FBXO34: variants seen among roughly 807,000 people sequenced by gnomAD.
FBXO34 encodes F-box only protein 34.
A neutral mutation model predicts 24.5 loss-of-function variants in FBXO34; 12 were observed. The observed-to-expected ratio is 0.49, with a 90% CI of 0.31 to 0.79. FBXO34 has a LOEUF of 0.79. Ranked by LOEUF, FBXO34 falls within the 30% of genes least tolerant of loss-of-function variation. The pLI is 0.04. For missense variants in FBXO34, 823 were observed against 857.7 expected (o/e 0.96, Z 0.51); for synonymous variants, 320 against 311.9 (o/e 1.03, Z -0.27).
the FBXO34 span, chr14:55,391,030 C>T: frequency 2.8e-6 from 4 of 1,419,208 alleles, no homozygotes; most frequent in African/African-American, 5.6e-5. Flanking sequence ...AAACGTTGGT[C>T]TCTTATGGTT....
rs554135840 is a variant in FBXO34, at chr14:55,350,182, C to A, written c.-10-199C>A. 7.3e-4 allele frequency among the ~76,000 whole-genome samples: 108 copies of A among 148,170 alleles called. 3 individuals are homozygous for A. The South Asian group carries it at 0.022, about 30-fold the overall frequency. ...CTGTAAAAAAAAAAAAAAAGTACTA[C>A]ACACCATATAAACTGGTAGCTGTTT... is the stretch of plus-strand genomic sequence containing the variant. On this transcript the variant is annotated intron_variant, in intron 1 of 1. Coordinates refer to ENST00000313833, the MANE Select transcript of FBXO34 (RefSeq NM_017943.4).
chr14:55,377,891 T>C, the FBXO34 span: 21 of 1,605,846 alleles, frequency 1.3e-5, no homozygotes, highest in Non-Finnish European at 1.8e-5. Flanking sequence ...TTGTAATTGA[T>C]CTAAATTTAC....
chr14:55,440,362 G>A, the FBXO34 span: 1 of 1,612,420 alleles, frequency 6.2e-7, no homozygotes, highest in Non-Finnish European at 8.5e-7. Flanking sequence ...GCGGGACTTG[G>A]GTCCTGACTC....
At chr14:55,361,003 GAAAA>G (rs111865007) in intron 3 of FBXO34, among the ~76,000 whole-genome samples, 3 of 136,054 alleles carry the variant, frequency 2.2e-5, no homozygotes, top group Non-Finnish European at 3.2e-5. Flanking sequence ...GTCTCAAAAA[GAAAA>G]AAAAAAAAAG....
intron 1 of FBXO34, among the ~76,000 whole-genome samples, chr14:55,341,940 C>T (rs2140072277): frequency 6.6e-6 from 1 of 152,328 alleles, no homozygotes; most frequent in East Asian, 1.9e-4. Context: ...AGGCCCTTCT[C>T]TTCCCTCCCT....
chr14:55,434,925 T>A, the FBXO34 span, among the ~76,000 whole-genome samples: 1 of 151,946 alleles, frequency 6.6e-6, no homozygotes, highest in Non-Finnish European at 1.5e-5. Flanking sequence ...GTCTTACTCA[T>A]CTTTGTACTC....
chr14:55,332,346 G>A (rs1376574541), intron 1 of FBXO34, among the ~76,000 whole-genome samples: 1 of 151,902 alleles, frequency 6.6e-6, no homozygotes, highest in Non-Finnish European at 1.5e-5. Flanking sequence ...CAATAATTAT[G>A]GCAAATGTTA....
intron 1 of FBXO34, among the ~76,000 whole-genome samples, chr14:55,331,093 T>C (rs1461022530): frequency 6.6e-6 from 1 of 151,982 alleles, no homozygotes; most frequent in Non-Finnish European, 1.5e-5. Flanking sequence ...AGACAGGAAA[T>C]TTTTTTTAGA....
At chr14:55,374,583 G>GT (rs1191285174), downstream of FBXO34, among the ~76,000 whole-genome samples, 1 of 152,120 alleles carries the variant, frequency 6.6e-6, no homozygotes, top group Non-Finnish European at 1.5e-5. Flanking sequence ...TTTGGGTTTT[G>GT]TGGCTTACTT....
the FBXO34 span, among the ~76,000 whole-genome samples, chr14:55,411,035 C>A: frequency 6.6e-6 from 1 of 152,160 alleles, no homozygotes; most frequent in African/African-American, 2.4e-5. Context: ...TTCCCAAATT[C>A]CTAAGAATCT....
At chr14:55,406,473 GAAGA>G in the FBXO34 span, among the ~76,000 whole-genome samples, 1 of 152,220 alleles carries the variant, frequency 6.6e-6, no homozygotes, top group Non-Finnish European at 1.5e-5. Context: ...CAAAAATTAT[GAAGA>G]TAGAATATCT....
At chr14:55,271,926 C>T (rs552353530) in intron 1 of FBXO34, 17 of 152,522 alleles carry the variant, frequency 1.1e-4, no homozygotes, top group East Asian at 1.9e-4. Context: ...CTGGGGTCGC[C>T]TCGCCCCTGT....
At chr14:55,421,217 A>G in the FBXO34 span, among the ~76,000 whole-genome samples, 17 of 152,184 alleles carry the variant, frequency 1.1e-4, no homozygotes, top group Admixed American at 1.0e-3. Context: ...GGCACTTATG[A>G]AAGTTTCCTT....
At chr14:55,361,136 C>CAT (rs1884588646) in intron 3 of FBXO34, among the ~76,000 whole-genome samples, 1 of 152,208 alleles carries the variant, frequency 6.6e-6, no homozygotes, top group South Asian at 2.1e-4. Context: ...CTATCCATAG[C>CAT]AGCTGTAGCG....
chr14:55,314,458 T>A (rs1882859514), intron 1 of FBXO34, among the ~76,000 whole-genome samples: 1 of 152,190 alleles, frequency 6.6e-6, no homozygotes, highest in East Asian at 1.9e-4. Context: ...GCTGCTATCT[T>A]CCTGAGGTGT....
intron 1 of FBXO34, chr14:55,282,277 G>GCC (rs1221469045): frequency 2.5e-6 from 1 of 403,198 alleles, no homozygotes; most frequent in African/African-American, 2.0e-5. Context: ...ACAGGCCTGA[G>GCC]CCACCGCGCC....
chr14:55,425,001 A>G, the FBXO34 span, among the ~76,000 whole-genome samples: 1 of 152,228 alleles, frequency 6.6e-6, no homozygotes, highest in Non-Finnish European at 1.5e-5. Flanking sequence ...GACAAGAAAT[A>G]TAAGAAAAAA....
chr14:55,385,780 A>G, the FBXO34 span: 1 of 1,227,566 alleles, frequency 8.1e-7, no homozygotes, highest in South Asian at 1.5e-5. Context: ...ATAAGACCCA[A>G]TAAATAAGGT....
the FBXO34 span, among the ~76,000 whole-genome samples, chr14:55,403,704 G>A: frequency 6.6e-6 from 1 of 152,062 alleles, no homozygotes; most frequent in Non-Finnish European, 1.5e-5. Context: ...CAACGAACCA[G>A]CAAAATAGTA....
Sources: gnomAD v4.1 joint callset for allele counts (sites outside exome capture counted in the v4.1 genomes callset) on GRCh38, gnomAD v4.1.1 for gene constraint, MANE v1.5 for transcripts, NCBI Gene and HGNC (gene_info 2026-07-23, HGNC 2026-07-21) for gene names.